DNAH3: variants seen among roughly 807,000 people sequenced by gnomAD.
DNAH3 encodes axonemal beta dynein heavy chain 3.
DNAH3 carries 332 observed loss-of-function variants against 432.5 expected under a neutral mutation model. The observed-to-expected ratio is 0.77, with a 90% CI of 0.70 to 0.84. DNAH3 has a LOEUF of 0.84. DNAH3 is among the 40% of genes least tolerant of loss of function. DNAH3 has a pLI of 0.00. For missense variants in DNAH3, 4,861 were observed against 5,114.0 expected, an observed-to-expected ratio of 0.95 and a Z score of 1.51; for synonymous variants, 1,956 against 1,900.2, an observed-to-expected ratio of 1.03 and a Z score of -0.76.
chr16:20,991,887 G>A (rs1227680871), intron 44 of DNAH3, among the ~76,000 whole-genome samples: 4 of 152,120 alleles, frequency 2.6e-5, no homozygotes, highest in Non-Finnish European at 2.9e-5. Flanking sequence ...GATGCTCAAT[G>A]GCTACATCCA....
intron 32 of DNAH3, among the ~76,000 whole-genome samples, chr16:21,040,358 A>ATTTTTTTTTTTTTTT (rs55797285): frequency 3.8e-5 from 3 of 79,710 alleles, no homozygotes; most frequent in African/African-American, 1.7e-4. Flanking sequence ...AGCCAGACAG[A>ATTTTTTTTTTTTTTT]TTTTTTTTTT....
intron 16 of DNAH3, among the ~76,000 whole-genome samples, chr16:21,099,163 C>T (rs193263971): frequency 4.8e-4 from 73 of 152,078 alleles, no homozygotes; most frequent in Admixed American, 2.0e-3. Context: ...AATATATTTG[C>T]GAAGTATGCT....
chr16:21,034,267 A>ATG (rs1344343030), intron 35 of DNAH3, among the ~76,000 whole-genome samples, 182 bp from the exon 36 acceptor site: 1 of 152,172 alleles, frequency 6.6e-6, no homozygotes, highest in Non-Finnish European at 1.5e-5. Flanking sequence ...GAAAAAATAT[A>ATG]TGTGTGTGTC....
At chr16:20,984,225 A>T (rs568458992) in intron 48 of DNAH3, among the ~76,000 whole-genome samples, 1 of 151,530 alleles carries the variant, frequency 6.6e-6, no homozygotes, top group East Asian at 1.9e-4. Context: ...GTGTGTGTGT[A>T]TGCATGCATG....
intron 53 of DNAH3, among the ~76,000 whole-genome samples, chr16:20,961,926 C>T (rs180941743): frequency 3.3e-5 from 5 of 151,460 alleles, no homozygotes; most frequent in African/African-American, 4.8e-5. Context: ...TTTGGGAGGC[C>T]GAGGTGGGTG....
chr16:21,020,780 A>G (rs2088173056), intron 40 of DNAH3, among the ~76,000 whole-genome samples: 1 of 152,122 alleles, frequency 6.6e-6, no homozygotes, highest in Non-Finnish European at 1.5e-5. Context: ...TGTATAGTTC[A>G]GTGGTATTAA....
intron 52 of DNAH3, among the ~76,000 whole-genome samples, chr16:20,966,240 T>C (rs1043648685): frequency 6.6e-6 from 1 of 151,252 alleles, no homozygotes; most frequent in African/African-American, 2.4e-5. Context: ...GGTTTCACCA[T>C]GTTGGACAGG....
chr16:20,984,969 G>A, intron 48 of DNAH3, 80 bp downstream of exon 48: 1 of 1,206,700 alleles, frequency 8.3e-7, no homozygotes, highest in Non-Finnish European at 1.2e-6. Flanking sequence ...ACCATTGTAA[G>A]GGATTGGCCT....
intron 9 of DNAH3, among the ~76,000 whole-genome samples, chr16:21,122,391 C>T (rs559396147): frequency 2.0e-5 from 3 of 152,074 alleles, no homozygotes; most frequent in Admixed American, 1.3e-4. Flanking sequence ...CCCGTCTCTA[C>T]TAAAAAACAC....
chr16:21,136,423 A>C (rs1237786410), exon 6 of DNAH3: 2 of 1,614,178 alleles, frequency 1.2e-6, no homozygotes, highest in Admixed American at 3.3e-5. Context: ...AGCGTGTTAG[A>C]AATCAGCTTT....
intron 58 of DNAH3, among the ~76,000 whole-genome samples, chr16:20,943,833 A>T (rs61040030): frequency 0.047 from 7,207 of 152,064 alleles, 403 homozygotes; most frequent in African/African-American, 0.13. Context: ...ATACAAAAAA[A>T]TTTAGCTGGG....
intron 51 of DNAH3, among the ~76,000 whole-genome samples, chr16:20,972,614 G>T (rs938914651): frequency 4.6e-5 from 7 of 151,886 alleles, no homozygotes; most frequent in African/African-American, 1.7e-4. Flanking sequence ...TGTAATTCAG[G>T]GTATTCATTA....
At chr16:21,153,687 G>C (rs183383444) in intron 1 of DNAH3, among the ~76,000 whole-genome samples, 155 of 152,184 alleles carry the variant, frequency 1.0e-3, no homozygotes, top group African/African-American at 3.1e-3. Context: ...AAACCCACCA[G>C]AAGGAAGAAA....
chr16:21,049,474 A>C, intron 31 of DNAH3, 95 bp downstream of exon 31: 116 of 910,152 alleles, frequency 1.3e-4, no homozygotes, highest in Middle Eastern at 2.5e-4. Context: ...CTGCCATACA[A>C]GAGATATAAG....
intron 32 of DNAH3, among the ~76,000 whole-genome samples, chr16:21,040,589 C>T (rs1328294994): frequency 6.6e-6 from 1 of 151,822 alleles, no homozygotes; most frequent in African/African-American, 2.4e-5. Context: ...TTGTCTTGAA[C>T]TCCTGACCTC....
chr16:21,123,531 T>G (rs1001677000), intron 9 of DNAH3, among the ~76,000 whole-genome samples: 3 of 152,212 alleles, frequency 2.0e-5, no homozygotes, highest in Non-Finnish European at 2.9e-5. Context: ...ATTTATAGAT[T>G]GGTCTTCTTT....
exon 53 of DNAH3, chr16:20,963,848 T>G: frequency 6.2e-7 from 1 of 1,614,080 alleles, no homozygotes; most frequent in Admixed American, 1.7e-5. Context: ...ATGTACTTGA[T>G]GCGCAGATTC....
intron 43 of DNAH3, 107 bp downstream of exon 43, chr16:21,000,117 C>A: frequency 8.3e-7 from 1 of 1,197,816 alleles, no homozygotes. Context: ...TTTGATCTCC[C>A]AGGGAGAGTA....
intron 12 of DNAH3, among the ~76,000 whole-genome samples, chr16:21,115,938 C>T (rs1229925699): frequency 6.6e-6 from 1 of 152,140 alleles, no homozygotes; most frequent in South Asian, 2.1e-4. Context: ...CTTTTGGCCA[C>T]ACCTGAAGAC....
Sources: gnomAD v4.1 joint callset for allele counts (sites outside exome capture counted in the v4.1 genomes callset) on GRCh38, gnomAD v4.1.1 for gene constraint, MANE v1.5 for transcripts, NCBI Gene and HGNC (gene_info 2026-07-23, HGNC 2026-07-21) for gene names.